PSMA6: variants seen among roughly 807,000 people sequenced by gnomAD.
The protein encoded by PSMA6 is proteasome subunit alpha type-6.
For missense variants in PSMA6, 170 were observed against 294.8 expected, an observed-to-expected ratio of 0.58 and a Z score of 3.10; for synonymous variants, 88 against 97.7, an observed-to-expected ratio of 0.90 and a Z score of 0.59.
intron 1 of PSMA6, among the ~76,000 whole-genome samples, chr14:35,297,846 G>C (rs190762215): frequency 4.7e-4 from 72 of 152,272 alleles, no homozygotes; most frequent in Non-Finnish European, 1.5e-5. Context: ...TTTAGCCACT[G>C]TATTTTTCTA....
upstream of PSMA6, among the ~76,000 whole-genome samples, chr14:35,290,875 C>T (rs753807263): frequency 3.9e-5 from 6 of 152,254 alleles, no homozygotes; most frequent in African/African-American, 1.4e-4. Flanking sequence ...CTTGGAATTA[C>T]TCTCATTAAT....
intron 4 of PSMA6, among the ~76,000 whole-genome samples, chr14:35,311,697 T>C (rs1371970238): frequency 3.9e-5 from 6 of 152,182 alleles, no homozygotes; most frequent in Non-Finnish European, 8.8e-5. Context: ...AATTTAATGA[T>C]GGTGTTTATT....
In PSMA6 at chr14:35,292,465, G is replaced by A. The variant is rs2051503139; in HGVS notation, c.-12G>A. Reference sequence around the variant, plus strand: ...GCCCAGGGATTGTGTTTAAAGTAGTGCTTCTACCAACATGTCCCGTGGTTC... The same window carrying A: ...GCCCAGGGATTGTGTTTAAAGTAGTACTTCTACCAACATGTCCCGTGGTTC... On this transcript the variant is annotated 5_prime_UTR_variant, in exon 1 of 7. Transcript: ENST00000261479. 6.2e-7 allele frequency: 1 copy of A among 1,612,790 alleles called. No individual in the cohort carries two copies. The highest frequency in any genetic ancestry group is 1.3e-5 in the African/African-American group (1 of 74,902).
At chr14:35,301,057 G>T (rs1332699622) in intron 1 of PSMA6, among the ~76,000 whole-genome samples, 1 of 152,104 alleles carries the variant, frequency 6.6e-6, no homozygotes, top group East Asian at 1.9e-4. Context: ...CTCTGGTTTA[G>T]GGTAAAATCA....
chr14:35,311,009 CAT>C, intron 4 of PSMA6, 114 bp downstream of exon 4: 2 of 1,003,800 alleles, frequency 2.0e-6, no homozygotes, highest in South Asian at 1.7e-5. Flanking sequence ...TTGGAAAATA[CAT>C]AGAGTGGGAA....
At position 35,281,206 on chromosome 14, in the gene PSMA6, C is replaced by G. The variant is rs150504630; in HGVS notation, c.19+2488C>G. ...ACTTTTTACCTCCTTTGGTCTCCAT[C>G]TTTTCAGTTCTAAACCTTATTTTGA... On this transcript the variant is annotated intron_variant, in intron 1 of 6. Transcript: ENST00000540871. Among the ~76,000 whole-genome samples the G allele has an allele frequency of 2.6e-3, 396 of 152,274 alleles. 2 individuals carry two copies. Among genetic ancestry groups the G allele is most frequent in the African/African-American group, 9.0e-3 (372 of 41,552 alleles).
intron 3 of PSMA6, among the ~76,000 whole-genome samples, chr14:35,309,404 C>G (rs2051894456): frequency 6.6e-6 from 1 of 152,162 alleles, no homozygotes; most frequent in African/African-American, 2.4e-5. Context: ...AATCCCAGCA[C>G]TTTGGGAGGC....
chr14:35,284,352 G>A (rs2051399020), intron 1 of PSMA6, among the ~76,000 whole-genome samples: 1 of 152,090 alleles, frequency 6.6e-6, no homozygotes, highest in Non-Finnish European at 1.5e-5. Flanking sequence ...AGCTGAGCTT[G>A]GACATGCATC....
intron 1 of PSMA6, among the ~76,000 whole-genome samples, chr14:35,300,961 G>A (rs1293545088): frequency 6.6e-6 from 1 of 152,172 alleles, no homozygotes; most frequent in East Asian, 1.9e-4. Context: ...AATAGGCATA[G>A]GTATTTGAAG....
chr14:35,307,562 C>T (rs939540613), intron 1 of PSMA6, among the ~76,000 whole-genome samples: 5 of 151,984 alleles, frequency 3.3e-5, no homozygotes, highest in African/African-American at 7.2e-5. Context: ...AGCGAAACCC[C>T]GTCTCTAGTA....
chr14:35,285,696 C>T (rs2051415431), intron 1 of PSMA6, among the ~76,000 whole-genome samples: 1 of 152,248 alleles, frequency 6.6e-6, no homozygotes, highest in Admixed American at 6.5e-5. Context: ...TCTGCACCTC[C>T]CTTTCCCCAC....
At chr14:35,292,283 C>A, upstream of PSMA6, 3 of 1,401,496 alleles carry the variant, frequency 2.1e-6, no homozygotes, top group Non-Finnish European at 2.8e-6. Flanking sequence ...CTCACTCCAC[C>A]ACCCCCTTAG....
chr14:35,292,978 A>G (rs1329752371), intron 1 of PSMA6: 2 of 460,442 alleles, frequency 4.3e-6, no homozygotes, highest in Non-Finnish European at 8.7e-6. Flanking sequence ...TTAATTCCAC[A>G]CAGGCACTCG....
intron 1 of PSMA6, among the ~76,000 whole-genome samples, chr14:35,287,206 G>T (rs921117363): frequency 6.6e-6 from 1 of 152,150 alleles, no homozygotes; most frequent in Non-Finnish European, 1.5e-5. Context: ...AGGAAGCTCT[G>T]AATTAGTGAA....
chr14:35,292,227 A>T, upstream of PSMA6: 1 of 1,145,128 alleles, frequency 8.7e-7, no homozygotes, highest in Non-Finnish European at 1.1e-6. Flanking sequence ...CTATCCACTC[A>T]AGAGGCCTGC....
chr14:35,310,009 C>G (rs1332214461), intron 3 of PSMA6, among the ~76,000 whole-genome samples: 1 of 151,974 alleles, frequency 6.6e-6, no homozygotes, highest in Non-Finnish European at 1.5e-5. Context: ...GTGGCACATA[C>G]CTGTAGTCCT....
chr14:35,306,774 T>C (rs1011156260), intron 1 of PSMA6, among the ~76,000 whole-genome samples: 5 of 152,200 alleles, frequency 3.3e-5, no homozygotes, highest in African/African-American at 9.6e-5. Context: ...TGTAAGCTAC[T>C]ATTTTGATCC....
chr14:35,305,649 A>C (rs1036989595), intron 1 of PSMA6, among the ~76,000 whole-genome samples: 2 of 152,160 alleles, frequency 1.3e-5, no homozygotes, highest in African/African-American at 4.8e-5. Context: ...CAGTGCCCAG[A>C]GTGACACTCG....
At chr14:35,295,067 G>C (rs1259313426) in intron 1 of PSMA6, among the ~76,000 whole-genome samples, 1 of 152,204 alleles carries the variant, frequency 6.6e-6, no homozygotes, top group Non-Finnish European at 1.5e-5. Flanking sequence ...GCCAGGTGCA[G>C]TGCCTCACAC....
Sources: allele counts gnomAD v4.1 joint callset (sites outside exome capture counted in the v4.1 genomes callset), GRCh38; gene constraint gnomAD v4.1.1; transcripts MANE v1.5; gene names NCBI Gene and HGNC (gene_info 2026-07-23, HGNC 2026-07-21).